Variants in LSAMP observed in about 807,000 individuals in gnomAD.
LSAMP encodes limbic system associated membrane protein.
Under a neutral mutation model 38.6 loss-of-function variants are expected in LSAMP, and 7 were observed. The observed-to-expected ratio is 0.18, with a 90% confidence interval of 0.10 to 0.34. The LOEUF (loss-of-function observed/expected upper bound fraction) is 0.34. LSAMP is among the 10% of genes least tolerant of loss of function. The pLI is 1.00. For synonymous variants in LSAMP, 154 were observed against 166.8 expected, an observed-to-expected ratio of 0.92 and a Z score of 0.59; for missense variants, 313 against 420.0, an observed-to-expected ratio of 0.75 and a Z score of 2.23.
At chr3:116,166,993 G>C (rs556541115) in intron 1 of LSAMP, among the ~76,000 whole-genome samples, 2 of 151,856 alleles carry the variant, frequency 1.3e-5, no homozygotes, top group African/African-American at 2.4e-5. Flanking sequence ...GGGTTTCACC[G>C]TGTTAGCCAG....
intron 3 of LSAMP, among the ~76,000 whole-genome samples, chr3:115,989,171 A>T (rs1273082233): frequency 6.6e-6 from 1 of 152,146 alleles, no homozygotes; most frequent in African/African-American, 2.4e-5. Context: ...AAGGAAAAAT[A>T]GAAAAGTGAA....
At chr3:116,391,334 G>A (rs901008432) in intron 1 of LSAMP, among the ~76,000 whole-genome samples, 4 of 151,730 alleles carry the variant, frequency 2.6e-5, no homozygotes, top group Non-Finnish European at 5.9e-5. Context: ...CGCTGACTGC[G>A]CTGTCCCACC....
chr3:116,256,509 G>A (rs2046753411), intron 1 of LSAMP, among the ~76,000 whole-genome samples: 1 of 152,164 alleles, frequency 6.6e-6, no homozygotes, highest in African/African-American at 2.4e-5. Context: ...TTGGTTGAAA[G>A]AAGTAATAAA....
intron 1 of LSAMP, among the ~76,000 whole-genome samples, chr3:116,131,826 CTTTTTCTTTTTT>C (rs1280733638): frequency 6.7e-6 from 1 of 149,566 alleles, no homozygotes; most frequent in African/African-American, 2.5e-5. Context: ...AATTTCTTTT[CTTTTTCTTTTTT>C]TTTTTTTGAG....
chr3:116,312,363 T>G (rs2047569167), intron 1 of LSAMP, among the ~76,000 whole-genome samples: 1 of 152,144 alleles, frequency 6.6e-6, no homozygotes. Context: ...CTAGAGGCTA[T>G]GGCATAAAAT....
intron 1 of LSAMP, among the ~76,000 whole-genome samples, chr3:116,299,965 C>T (rs142859860): frequency 0.013 from 2,012 of 152,278 alleles, 15 homozygotes; most frequent in Admixed American, 0.02. Flanking sequence ...AAAAAGGCTT[C>T]ACTTAGGCCT....
At chr3:116,418,965 G>T (rs984476785) in intron 1 of LSAMP, among the ~76,000 whole-genome samples, 2 of 152,108 alleles carry the variant, frequency 1.3e-5, no homozygotes, top group East Asian at 3.8e-4. Flanking sequence ...CTGTGCTTTT[G>T]CATGTGCTAT....
At chr3:115,903,861 T>C (rs1936942805) in intron 3 of LSAMP, among the ~76,000 whole-genome samples, 1 of 152,200 alleles carries the variant, frequency 6.6e-6, no homozygotes. Flanking sequence ...TGGTACTTAA[T>C]ATTTAAAGCA....
intron 1 of LSAMP, among the ~76,000 whole-genome samples, chr3:116,345,623 ATATT>A (rs143234151): frequency 0.02 from 3,028 of 152,134 alleles, 88 homozygotes; most frequent in African/African-American, 0.069. Context: ...TATTTTTTAG[ATATT>A]TATTTTTCTC....
chr3:115,977,902 T>C (rs1939238370), intron 3 of LSAMP, among the ~76,000 whole-genome samples: 1 of 152,150 alleles, frequency 6.6e-6, no homozygotes, highest in African/African-American at 2.4e-5. Context: ...CTGAATAAAT[T>C]AAATTTATCC....
chr3:116,341,708 G>A (rs2047997624), intron 1 of LSAMP, among the ~76,000 whole-genome samples: 1 of 151,970 alleles, frequency 6.6e-6, no homozygotes, highest in Non-Finnish European at 1.5e-5. Context: ...ATTTCGAATT[G>A]AATACAATGA....
In LSAMP at chr3:116,444,919, G is replaced by A. The variant is rs773141884; in HGVS notation, c.113C>T (p.Thr38Met). The A allele has an allele frequency of 6.2e-7, 1 of 1,614,096 alleles. No homozygotes were observed. ...CCCCTGCCTCACGGTGATGTTGTCC[G>A]TGCCTCGGTTAAAATCCACGCTGCG... ...PVRSVDFNRG[T>M]DNITVRQGDT... Residue 38 changes from threonine to methionine, a missense_variant, in exon 1 of 7, where the codon ACG (threonine) becomes ATG (methionine). Thr to Met is a moderately conservative substitution (Grantham distance 81). Coordinates refer to ENST00000490035, the MANE Select transcript of LSAMP (RefSeq NM_002338.5).
Position 116,151,214 on chromosome 3 carries a change from G to T in LSAMP, c.156-64658C>A, listed in dbSNP as rs147052156. On this transcript the variant is annotated intron_variant, in intron 1 of 6. Transcript: ENST00000490035. ...CTTTAAATGAGGAAAACAGAAAAGT[G>T]ATAGAATTTATGACCATGAGAGAAA... Among the ~76,000 whole-genome samples, 463 of 152,148 alleles carry T rather than the reference G, an allele frequency of 3.0e-3. 1 individual carries two copies. Among genetic ancestry groups the T allele is most frequent in the Non-Finnish European group, 4.6e-3 (315 of 67,970 alleles).
At chr3:116,148,297 T>C (rs1709533389) in intron 1 of LSAMP, among the ~76,000 whole-genome samples, 1 of 151,964 alleles carries the variant, frequency 6.6e-6, no homozygotes, top group Non-Finnish European at 1.5e-5. Flanking sequence ...GAAATAATCA[T>C]TTTGCAAACC....
At chr3:116,395,967 A>G (rs1391496890) in intron 1 of LSAMP, among the ~76,000 whole-genome samples, 1 of 152,228 alleles carries the variant, frequency 6.6e-6, no homozygotes, top group Non-Finnish European at 1.5e-5. Context: ...TTATATCAAT[A>G]TTATTTAAAT....
At chr3:116,141,362 A>G (rs1709364832) in intron 1 of LSAMP, among the ~76,000 whole-genome samples, 1 of 151,766 alleles carries the variant, frequency 6.6e-6, no homozygotes, top group Non-Finnish European at 1.5e-5. Flanking sequence ...TGGAGGGGGG[A>G]TTGCTTCAGA....
chr3:116,365,997 A>G (rs2048346375), intron 1 of LSAMP, among the ~76,000 whole-genome samples: 1 of 93,282 alleles, frequency 1.1e-5, no homozygotes, highest in Non-Finnish European at 2.1e-5. Context: ...CATGTACCCT[A>G]AAACTTAGAG....
At chr3:116,015,880 C>T (rs935828834) in intron 3 of LSAMP, among the ~76,000 whole-genome samples, 5 of 152,080 alleles carry the variant, frequency 3.3e-5, no homozygotes, top group Admixed American at 6.6e-5. Flanking sequence ...GTATTGTGAA[C>T]CCTGCGTAGA....
At chr3:116,066,794 T>C (rs886588166) in intron 2 of LSAMP, among the ~76,000 whole-genome samples, 1 of 152,238 alleles carries the variant, frequency 6.6e-6, no homozygotes, top group African/African-American at 2.4e-5. Context: ...CACCAACCAC[T>C]GTCACTGTTC....
Sources: allele counts gnomAD v4.1 joint callset (sites outside exome capture counted in the v4.1 genomes callset), GRCh38; gene constraint gnomAD v4.1.1; transcripts MANE v1.5; gene names NCBI Gene and HGNC (gene_info 2026-07-23, HGNC 2026-07-21).